Variants in PKHD1 observed in about 807,000 individuals in gnomAD.
PKHD1 encodes PKHD1 ciliary IPT domain containing fibrocystin/polyductin, also known as fibrocystin.
PKHD1 carries 291 observed loss-of-function variants against 412.0 expected under a neutral mutation model. The observed-to-expected ratio is 0.71, with a 90% CI of 0.64 to 0.78. PKHD1 has a LOEUF of 0.78. PKHD1 is among the 30% of genes least tolerant of loss of function. The pLI is 0.00. For missense variants in PKHD1, 4,825 were observed against 4,950.7 expected, an observed-to-expected ratio of 0.97 and a Z score of 0.76; for synonymous variants, 1,777 against 1,821.5, an observed-to-expected ratio of 0.98 and a Z score of 0.62.
chr6:52,070,945 T>C (rs1810522162), intron 9 of PKHD1, 61 bp downstream of exon 9: 2 of 1,011,486 alleles, frequency 2.0e-6, no homozygotes, highest in East Asian at 4.8e-5. Flanking sequence ...CAATTGCTTT[T>C]GTCCGGATAC....
chr6:52,003,050 AAATAC>A (rs1430780618), intron 35 of PKHD1, among the ~76,000 whole-genome samples: 1 of 152,204 alleles, frequency 6.6e-6, no homozygotes, highest in Non-Finnish European at 1.5e-5. Context: ...ATATTTAAAT[AAATAC>A]ATGTAATTTA....
At chr6:52,046,226 T>A in intron 23 of PKHD1, 38 bp from the exon 24 acceptor site, 1 of 1,436,468 alleles carries the variant, frequency 7.0e-7, no homozygotes, top group Non-Finnish European at 9.8e-7. Context: ...ACACAGACAC[T>A]AATTAATCCA....
chr6:52,031,186 G>A (rs950192407), intron 29 of PKHD1, among the ~76,000 whole-genome samples: 21 of 152,152 alleles, frequency 1.4e-4, no homozygotes, highest in Non-Finnish European at 2.4e-4. Context: ...ATCAAATGAA[G>A]GAACTGAAGA....
At chr6:51,663,670 T>G (rs1773230752) in intron 60 of PKHD1, among the ~76,000 whole-genome samples, 1 of 152,196 alleles carries the variant, frequency 6.6e-6, no homozygotes, top group South Asian at 2.1e-4. Context: ...TTATGTGTTC[T>G]TGTCAGGTGT....
At chr6:51,762,128 T>G (rs1288518279) in intron 55 of PKHD1, among the ~76,000 whole-genome samples, 1 of 152,052 alleles carries the variant, frequency 6.6e-6, no homozygotes, top group Non-Finnish European at 1.5e-5. Context: ...TAACAGTTAG[T>G]GTCTCTATTT....
chr6:52,036,532 C>T (rs954257588), intron 27 of PKHD1, among the ~76,000 whole-genome samples: 1 of 152,172 alleles, frequency 6.6e-6, no homozygotes, highest in Non-Finnish European at 1.5e-5. Flanking sequence ...ACAGCCTTAC[C>T]CCCCCTTGAG....
At chr6:52,016,839 T>C (rs992045551) in intron 34 of PKHD1, among the ~76,000 whole-genome samples, 3 of 152,136 alleles carry the variant, frequency 2.0e-5, no homozygotes, top group African/African-American at 7.2e-5. Context: ...TTTTTATTTG[T>C]TTAGAAAAGG....
intron 60 of PKHD1, among the ~76,000 whole-genome samples, chr6:51,668,997 C>G (rs1021032791): frequency 3.3e-5 from 5 of 152,154 alleles, no homozygotes; most frequent in Non-Finnish European, 7.4e-5. Flanking sequence ...GGATATTGGT[C>G]TAAAGTTCTC....
At chr6:51,747,765 T>C in intron 58 of PKHD1, 22 bp downstream of exon 58, 1 of 1,602,546 alleles carries the variant, frequency 6.2e-7, no homozygotes, top group Non-Finnish European at 8.5e-7. Context: ...TGGCACTGCC[T>C]AGATAAAATA....
chr6:52,055,096 G>A (rs1807505083), intron 19 of PKHD1, among the ~76,000 whole-genome samples: 1 of 152,180 alleles, frequency 6.6e-6, no homozygotes, highest in East Asian at 1.9e-4. Flanking sequence ...ACAACAACTA[G>A]AGTAATAATA....
At chr6:51,892,985 A>G (rs534257448) in intron 43 of PKHD1, among the ~76,000 whole-genome samples, 29 of 152,322 alleles carry the variant, frequency 1.9e-4, no homozygotes, top group Admixed American at 7.2e-4. Context: ...AACTTTCCCC[A>G]GGGAAGTGAA....
Position 51,909,431 on chromosome 6 carries a change from T to C in PKHD1, c.6534A>G (p.Leu2178=). ...CTCTGGCTCCCATATCCCTGGATCC[T>C]AGCATCTTCTCACTCATGGAATACA... ...HCLYSMSEKM[L]GSRDMGARVI... The change falls in exon 40 of 67, where the codon CTA becomes CTG. Residue 2178 remains leucine (L), a synonymous_variant. Transcript: ENST00000371117. The C allele has an allele frequency of 6.2e-7, 1 of 1,613,302 alleles. No homozygotes were observed. The highest frequency in any genetic ancestry group is 1.3e-5 in the African/African-American group (1 of 74,966).
At chr6:51,943,555 CA>C (rs770206280) in intron 36 of PKHD1, among the ~76,000 whole-genome samples, 1 of 151,604 alleles carries the variant, frequency 6.6e-6, no homozygotes, top group African/African-American at 2.4e-5. Flanking sequence ...ATCCCCAAAC[CA>C]CCATTCTTAA....
intron 53 of PKHD1, 28 bp downstream of exon 53, chr6:51,791,208 T>C: frequency 2.5e-6 from 4 of 1,609,840 alleles, no homozygotes; most frequent in Non-Finnish European, 3.4e-6. Context: ...ATTCTCAACA[T>C]GCTCGCAATC....
intron 61 of PKHD1, among the ~76,000 whole-genome samples, chr6:51,654,986 C>T (rs963451219): frequency 6.6e-6 from 1 of 152,032 alleles, no homozygotes; most frequent in Non-Finnish European, 1.5e-5. Context: ...GGAAAGCTTG[C>T]TTACGTAGAA....
At chr6:51,760,707 T>A (rs1186916985) in intron 55 of PKHD1, among the ~76,000 whole-genome samples, 1 of 151,904 alleles carries the variant, frequency 6.6e-6, no homozygotes, top group South Asian at 2.1e-4. Flanking sequence ...CCAAACAAAA[T>A]ATATACAAAG....
chr6:51,861,965 C>T (rs763221647), intron 48 of PKHD1, among the ~76,000 whole-genome samples: 7 of 152,122 alleles, frequency 4.6e-5, no homozygotes, highest in East Asian at 1.9e-4. Flanking sequence ...TTTGAGAACA[C>T]GAGAACACTG....
intron 50 of PKHD1, among the ~76,000 whole-genome samples, chr6:51,841,616 T>C (rs1262446447): frequency 6.6e-6 from 1 of 152,242 alleles, no homozygotes; most frequent in Non-Finnish European, 1.5e-5. Flanking sequence ...CATAAGAATG[T>C]AAATTAATTT....
chr6:52,023,738 C>T (rs575584873), intron 32 of PKHD1, among the ~76,000 whole-genome samples: 1 of 152,124 alleles, frequency 6.6e-6, no homozygotes, highest in South Asian at 2.1e-4. Flanking sequence ...TTCTTATTTC[C>T]CTGCTCTTCC....
Sources: allele counts gnomAD v4.1 joint callset (sites outside exome capture counted in the v4.1 genomes callset), GRCh38; gene constraint gnomAD v4.1.1; transcripts MANE v1.5; gene names NCBI Gene and HGNC (gene_info 2026-07-23, HGNC 2026-07-21).